MACROD2: variants seen among roughly 807,000 people sequenced by gnomAD.
The protein encoded by MACROD2 is ADP-ribose glycohydrolase MACROD2.
A neutral mutation model predicts 70.4 loss-of-function variants in MACROD2; 36 were observed. The ratio of observed to expected loss-of-function variants is 0.51; its 90% confidence interval spans 0.39 to 0.68. MACROD2 has a LOEUF of 0.68. Among genes scored for constraint, MACROD2 ranks in the 30% least tolerant of loss-of-function variants. MACROD2 has a pLI of 0.00. For synonymous variants in MACROD2, 172 were observed against 178.8 expected (o/e 0.96, Z 0.30); for missense variants, 496 against 538.4 (o/e 0.92, Z 0.78).
chr20:15,069,212 G>A (rs892703386), intron 5 of MACROD2, among the ~76,000 whole-genome samples: 3 of 152,210 alleles, frequency 2.0e-5, no homozygotes, highest in African/African-American at 7.2e-5. Context: ...CATTCAAGAT[G>A]TGGCATGGCT....
At chr20:15,277,344 T>C (rs1194576305) in intron 6 of MACROD2, among the ~76,000 whole-genome samples, 1 of 152,214 alleles carries the variant, frequency 6.6e-6, no homozygotes, top group Admixed American at 6.5e-5. Context: ...GTGATCCATT[T>C]ACCAGCAAAA....
At chr20:14,557,999 A>G (rs1165333078) in intron 4 of MACROD2, among the ~76,000 whole-genome samples, 1 of 151,880 alleles carries the variant, frequency 6.6e-6, no homozygotes, top group Admixed American at 6.6e-5. Context: ...ATGGATAAAC[A>G]AAATATATCC....
At chr20:15,512,468 C>G (rs1034779335) in intron 8 of MACROD2, among the ~76,000 whole-genome samples, 3 of 151,918 alleles carry the variant, frequency 2.0e-5, no homozygotes, top group African/African-American at 7.3e-5. Flanking sequence ...CTTAATTCTT[C>G]TTTGAGTACT....
At chr20:16,040,941 A>G (rs760493812) in intron 15 of MACROD2, among the ~76,000 whole-genome samples, 27 of 152,020 alleles carry the variant, frequency 1.8e-4, no homozygotes, top group Non-Finnish European at 3.5e-4. Context: ...TCCTGCTGTC[A>G]TGCTACCAGA....
At chr20:15,770,327 G>T (rs546471014) in intron 8 of MACROD2, among the ~76,000 whole-genome samples, 3 of 152,048 alleles carry the variant, frequency 2.0e-5, no homozygotes, top group Admixed American at 2.0e-4. Flanking sequence ...GCCTTTCTAA[G>T]TCTAAGGAAG....
intron 10 of MACROD2, among the ~76,000 whole-genome samples, chr20:15,892,012 T>G (rs912593050): frequency 3.9e-5 from 6 of 152,082 alleles, no homozygotes; most frequent in Admixed American, 1.3e-4. Flanking sequence ...ATCTGTAACC[T>G]TCGATTGAGG....
At chr20:14,103,180 A>G (rs540665607) in intron 3 of MACROD2, among the ~76,000 whole-genome samples, 1 of 152,298 alleles carries the variant, frequency 6.6e-6, no homozygotes, top group East Asian at 1.9e-4. Flanking sequence ...AGAGAAAATA[A>G]TTGCCAGGGA....
At chr20:14,294,991 C>T (rs1448237162) in intron 3 of MACROD2, among the ~76,000 whole-genome samples, 2 of 151,726 alleles carry the variant, frequency 1.3e-5, no homozygotes, top group Non-Finnish European at 2.9e-5. Flanking sequence ...TGGCTTCCCA[C>T]TGACTCATCA....
intron 5 of MACROD2, chr20:14,850,014 C>G (rs753106211): frequency 1.9e-6 from 1 of 516,012 alleles, no homozygotes; most frequent in South Asian, 1.4e-5. Context: ...GTATGTTTCT[C>G]TATTGTATTC....
chr20:15,317,417 A>G (rs1186325525), intron 6 of MACROD2, among the ~76,000 whole-genome samples: 2 of 152,018 alleles, frequency 1.3e-5, no homozygotes, highest in East Asian at 1.9e-4. Context: ...AAGAAGAAAC[A>G]TTAGTATTAG....
rs1197725280 is a variant in MACROD2, at chr20:15,641,913, GA to G, written c.645+142069del. Among the ~76,000 whole-genome samples, 4 of 152,264 alleles carry G rather than the reference GA, an allele frequency of 2.6e-5. No individual in the cohort carries two copies. The East Asian group carries it at 7.7e-4, about 29-fold the overall frequency. ...TGTTTAAAAAATCAGTGTGAACCAT[GA>G]AACAGTAAAACTCATTCTAATGTAT... On this transcript the variant is annotated intron_variant, in intron 8 of 17. Transcript: ENST00000684519.
intron 5 of MACROD2, among the ~76,000 whole-genome samples, chr20:14,705,858 G>A (rs1270224940): frequency 1.3e-5 from 2 of 152,030 alleles, no homozygotes; most frequent in Non-Finnish European, 2.9e-5. Context: ...GTTTCCTCCT[G>A]TGAGATGGAG....
At chr20:15,034,735 G>A (rs2075300417) in intron 5 of MACROD2, among the ~76,000 whole-genome samples, 2 of 152,064 alleles carry the variant, frequency 1.3e-5, no homozygotes, top group Admixed American at 1.3e-4. Context: ...TATTCTGCAT[G>A]GTATTTTATC....
chr20:14,592,421 GGTTT>G (rs1981832080), intron 4 of MACROD2, among the ~76,000 whole-genome samples: 1 of 152,110 alleles, frequency 6.6e-6, no homozygotes, highest in East Asian at 1.9e-4. Context: ...AGTGTCTCTG[GGTTT>G]GTTTGTTTGT....
At chr20:15,210,552 G>GTT (rs11333280) in intron 5 of MACROD2, among the ~76,000 whole-genome samples, 23,280 of 121,050 alleles carry the variant, frequency 0.19, 2,183 homozygotes, top group African/African-American at 0.21. Context: ...CTTTTCTTCT[G>GTT]TTTTTTTTTT....
At chr20:16,018,764 A>G (rs2066963447) in intron 15 of MACROD2, among the ~76,000 whole-genome samples, 1 of 151,958 alleles carries the variant, frequency 6.6e-6, no homozygotes, top group African/African-American at 2.4e-5. Flanking sequence ...CTTCTCTTGG[A>G]CCTTCAAACA....
rs913012721 is a variant in MACROD2, at chr20:16,053,104, A to C, written c.*3228A>C. ...CTTCTAAATCTGTTTGTTTCTTTTC[A>C]TCTGTGCCATACACTAAAAAACAAC... On this transcript the variant is annotated 3_prime_UTR_variant, in exon 18 of 18. Transcript: ENST00000684519. The C allele has an allele frequency of 6.6e-6, 1 of 152,462 alleles. No homozygotes were observed. The highest frequency in any genetic ancestry group is 2.4e-5 in the African/African-American group (1 of 41,432). The allele number at this position is 152,462 out of a possible 1,614,324, so 9.4% of individuals were successfully genotyped here.
chr20:14,530,857 C>CT (rs754516473), intron 4 of MACROD2, among the ~76,000 whole-genome samples: 26 of 152,202 alleles, frequency 1.7e-4, no homozygotes, highest in Non-Finnish European at 3.4e-4. Flanking sequence ...AATCAGTACA[C>CT]TATGCTTCAT....
At chr20:14,098,959 A>G (rs946788752) in intron 3 of MACROD2, among the ~76,000 whole-genome samples, 1 of 152,160 alleles carries the variant, frequency 6.6e-6, no homozygotes, top group Non-Finnish European at 1.5e-5. Flanking sequence ...AAAAACTGTC[A>G]CACCTGTGTA....
Sources: gnomAD v4.1 joint callset for allele counts (sites outside exome capture counted in the v4.1 genomes callset) on GRCh38, gnomAD v4.1.1 for gene constraint, MANE v1.5 for transcripts, NCBI Gene and HGNC (gene_info 2026-07-23, HGNC 2026-07-21) for gene names.